Variants in CABIN1 observed in about 807,000 individuals in gnomAD.
The protein encoded by CABIN1 is calcineurin-binding protein cabin-1.
In CABIN1, 133 loss-of-function variants were observed where a neutral mutation model predicts 227.7. The observed-to-expected ratio is 0.58, with a 90% confidence interval of 0.51 to 0.67. The LOEUF (loss-of-function observed/expected upper bound fraction) is 0.67, where lower values mean the gene tolerates loss of function less well. Ranked by LOEUF, CABIN1 falls within the 30% of genes least tolerant of loss-of-function variation. CABIN1 has a pLI of 0.00. For synonymous variants in CABIN1, 1,086 were observed against 1,155.1 expected (o/e 0.94, Z 1.21); for missense variants, 2,408 against 2,852.5 (o/e 0.84, Z 3.55).
intron 29 of CABIN1, among the ~76,000 whole-genome samples, chr22:24,156,858 G>A (rs1408155133): frequency 1.3e-5 from 2 of 152,216 alleles, no homozygotes; most frequent in African/African-American, 2.4e-5. Context: ...TTTCCCGGGA[G>A]GGGGAAGGGA....
rs750407240 is a variant in CABIN1 at position 24,166,978 on chromosome 22, C to A, written c.5347C>A (p.Arg1783Ser). The stretch of plus-strand genomic sequence containing the variant: ...GCGGACACCACCCCTGCTGCCAGGT[C>A]GCCCCGCAAGGGACCGGGGCCCCGA... The part of the protein sequence containing the change: ...LERTPPLLPG[R>S]PARDRGPESR... The change falls in exon 32 of 37, where the codon CGC becomes AGC. Residue 1783 changes from arginine to serine, a missense_variant. Coordinates refer to ENST00000263119, the MANE Select transcript of CABIN1 (RefSeq NM_012295.4). 2 of 1,582,234 alleles carry A rather than the reference C, an allele frequency of 1.3e-6. No homozygotes were observed. The highest frequency in any genetic ancestry group is 2.3e-5 in the East Asian group (1 of 42,844).
chr22:24,036,850 C>T (rs2036933844), intron 3 of CABIN1, among the ~76,000 whole-genome samples: 1 of 152,136 alleles, frequency 6.6e-6, no homozygotes, highest in South Asian at 2.1e-4. Flanking sequence ...TCACCTGTCC[C>T]TAGTCTGCAA....
chr22:24,055,213 G>A, intron 9 of CABIN1, 54 bp downstream of exon 9: 1 of 1,589,414 alleles, frequency 6.3e-7, no homozygotes, highest in East Asian at 2.2e-5. Flanking sequence ...ACTGAGCCCA[G>A]CAGGAATGAG....
intron 3 of CABIN1, 127 bp downstream of exon 3, chr22:24,036,308 A>G: frequency 1.3e-6 from 1 of 747,816 alleles, no homozygotes; most frequent in South Asian, 1.4e-5. Flanking sequence ...AAAGATGGCT[A>G]GCTCTCCATC....
chr22:24,013,312 T>C (rs372939988), intron 1 of CABIN1, among the ~76,000 whole-genome samples: 1 of 145,372 alleles, frequency 6.9e-6, no homozygotes, highest in African/African-American at 2.5e-5. Flanking sequence ...TTCTCCTGCC[T>C]CAGCCTCCCT....
rs2036454011 is a variant in CABIN1, at chr22:24,031,001, G to C, written c.-74-4443G>C. Among the ~76,000 whole-genome samples the C allele has an allele frequency of 2.0e-5, 3 of 152,216 alleles. No individual in the cohort carries two copies. In the South Asian group the frequency reaches 6.2e-4, roughly 32 times the overall value. On this transcript the variant is annotated intron_variant, in intron 1 of 36. Transcript: ENST00000263119. ...CCTTTGAGACATTACTTAGGAAGCAGATGAGCTTTCTTCCTTGTGGAATAG... is the reference window on the plus strand; with the variant it reads ...CCTTTGAGACATTACTTAGGAAGCACATGAGCTTTCTTCCTTGTGGAATAG...
At chr22:24,062,284 G>A (rs1430838107) in intron 13 of CABIN1, among the ~76,000 whole-genome samples, 1 of 151,126 alleles carries the variant, frequency 6.6e-6, no homozygotes, top group Non-Finnish European at 1.5e-5. Context: ...CAGTTTTGGT[G>A]TGACTGTTCA....
chr22:24,137,295 G>A (rs1261327621), intron 29 of CABIN1, among the ~76,000 whole-genome samples: 1 of 152,166 alleles, frequency 6.6e-6, no homozygotes, highest in Non-Finnish European at 1.5e-5. Context: ...CCCCTCAGAT[G>A]CCTGCCCCGC....
chr22:24,165,744 C>G, intron 31 of CABIN1, 118 bp downstream of exon 31: 1 of 813,832 alleles, frequency 1.2e-6, no homozygotes, highest in Non-Finnish European at 2.1e-6. Flanking sequence ...GCCTAAGGGT[C>G]CCCATCTGTG....
chr22:24,168,394 G>A, intron 32 of CABIN1, 53 bp from the exon 33 acceptor site: 1 of 1,517,740 alleles, frequency 6.6e-7, no homozygotes, highest in Non-Finnish European at 8.9e-7. Flanking sequence ...AGGGCTGGGG[G>A]AGGCTAACCA....
Position 24,177,758 on chromosome 22 carries a change from A to T in CABIN1, c.6460A>T (p.Thr2154Ser). 1 of 1,608,160 alleles carries T rather than the reference A, an allele frequency of 6.2e-7. No homozygotes were observed. The highest frequency in any genetic ancestry group is 8.5e-7 in the Non-Finnish European group (1 of 1,176,686). Residue 2154 changes from threonine to serine, a missense_variant, in exon 36 of 37, where the codon ACC becomes TCC. Physicochemically the swap from Thr to Ser is moderately conservative, Grantham distance 58. Coordinates refer to ENST00000263119, the MANE Select transcript of CABIN1 (RefSeq NM_012295.4). This position sits in a 1 kb window ranked among gnomAD's most constrained non-coding sequence, Gnocchi z 4.4. ...FPPEITVTPP[T>S]PTLLSPKGSI... is the part of the protein sequence containing the mutation. ...CCCTGAGATCACCGTCACGCCACCC[A>T]CCCCAACCCTGCTCTCCCCCAAAGG...
chr22:24,159,228 G>A (rs929662208), intron 29 of CABIN1, among the ~76,000 whole-genome samples: 1 of 152,226 alleles, frequency 6.6e-6, no homozygotes, highest in Non-Finnish European at 1.5e-5. Context: ...TCCACCCTGG[G>A]GAGCCCAGAG....
intron 17 of CABIN1, among the ~76,000 whole-genome samples, chr22:24,071,522 A>T (rs997806007): frequency 6.6e-6 from 1 of 152,062 alleles, no homozygotes; most frequent in Admixed American, 6.5e-5. Context: ...CGCTCAGGCC[A>T]TCAGCAAGTC....
At chr22:24,117,497 G>A (rs1439463672) in intron 27 of CABIN1, among the ~76,000 whole-genome samples, 1 of 151,510 alleles carries the variant, frequency 6.6e-6, no homozygotes, top group East Asian at 1.9e-4. Context: ...ACCACGCCCA[G>A]CCTAAAACTG....
chr22:24,095,862 C>G, intron 24 of CABIN1, 69 bp from the exon 25 acceptor site: 1 of 1,578,758 alleles, frequency 6.3e-7, no homozygotes, highest in South Asian at 1.1e-5. Flanking sequence ...TCCAGTGTGG[C>G]TGACTGGCCT....
chr22:24,163,212 A>T (rs545929755), intron 29 of CABIN1, among the ~76,000 whole-genome samples: 1 of 152,144 alleles, frequency 6.6e-6, no homozygotes, highest in Non-Finnish European at 1.5e-5. Context: ...CCATGTCACA[A>T]CAGGAGCCAG....
chr22:24,116,864 GGCATATGCACCACA>G, intron 27 of CABIN1, among the ~76,000 whole-genome samples: 1 of 152,208 alleles, frequency 6.6e-6, no homozygotes, highest in Non-Finnish European at 1.5e-5. Flanking sequence ...TGTTGGCCTT[GGCATATGCACCACA>G]GGCATTCCAA....
At chr22:24,165,672 T>C (rs768498957) in intron 31 of CABIN1, 46 bp downstream of exon 31, 7 of 1,493,256 alleles carry the variant, frequency 4.7e-6, no homozygotes, top group Middle Eastern at 2.1e-4. Context: ...ATGAACACGC[T>C]TCCAAGCCCT....
At chr22:24,115,075 A>G (rs939282803) in intron 27 of CABIN1, among the ~76,000 whole-genome samples, 1 of 152,254 alleles carries the variant, frequency 6.6e-6, no homozygotes, top group African/African-American at 2.4e-5. Context: ...GGAAAAAGGT[A>G]ACTTACACTC....
Sources: gnomAD v4.1 joint callset for allele counts (sites outside exome capture counted in the v4.1 genomes callset) on GRCh38, gnomAD v4.1.1 for gene constraint, Gnocchi (gnomAD v3.1) non-coding constraint, MANE v1.5 for transcripts, NCBI Gene and HGNC (gene_info 2026-07-23, HGNC 2026-07-21) for gene names.